The following FGF14 variants were observed in gnomAD, a reference collection of about 807,000 sequenced individuals.
FGF14 encodes the protein fibroblast growth factor 14, also known as fibroblast growth factor homologous factor 4.
Under a neutral mutation model 25.5 loss-of-function variants are expected in FGF14, and 5 were observed. The observed-to-expected ratio is 0.20, with a 90% confidence interval of 0.10 to 0.41. The LOEUF (loss-of-function observed/expected upper bound fraction) is 0.41, where lower values mean the gene tolerates loss of function less well. Among genes scored for constraint, FGF14 ranks in the 10% least tolerant of loss-of-function variants. FGF14 has a pLI of 1.00. For missense variants in FGF14, 222 were observed against 320.1 expected (o/e 0.69, Z 2.34); for synonymous variants, 138 against 118.3 (o/e 1.17, Z -1.08).
At chr13:101,953,414 C>T (rs2036297194) in intron 1 of FGF14, among the ~76,000 whole-genome samples, 1 of 151,890 alleles carries the variant, frequency 6.6e-6, no homozygotes, top group Non-Finnish European at 1.5e-5. Flanking sequence ...CAGAGATGAA[C>T]AAATGTGGCA....
intron 1 of FGF14, among the ~76,000 whole-genome samples, chr13:102,054,919 T>G (rs1489684489): frequency 6.6e-6 from 1 of 152,198 alleles, no homozygotes; most frequent in African/African-American, 2.4e-5. Flanking sequence ...CCGCTTTCTG[T>G]TCCCACAGCC....
At chr13:102,112,968 G>A (rs1289808829) in intron 1 of FGF14, among the ~76,000 whole-genome samples, 1 of 152,066 alleles carries the variant, frequency 6.6e-6, no homozygotes, top group African/African-American at 2.4e-5. Flanking sequence ...TGAAAAAGTA[G>A]GTCATATTTC....
chr13:101,820,791 CACACACACACACACAA>C (rs2042091138), intron 3 of FGF14, among the ~76,000 whole-genome samples: 2 of 35,650 alleles, frequency 5.6e-5, no homozygotes, highest in South Asian at 1.4e-3. Context: ...CACACACACA[CACACACACACACACAA>C]CACACACACA....
At chr13:102,334,724 CT>C (rs1281652065) in intron 1 of FGF14, among the ~76,000 whole-genome samples, 9 of 152,100 alleles carry the variant, frequency 5.9e-5, no homozygotes, top group Non-Finnish European at 1.0e-4. Context: ...AATAATTTGG[CT>C]TTCTAAGATG....
chr13:101,750,700 C>G (rs919362086), intron 3 of FGF14, among the ~76,000 whole-genome samples: 1 of 152,092 alleles, frequency 6.6e-6, no homozygotes, highest in Non-Finnish European at 1.5e-5. Context: ...TTGGTGTTTA[C>G]TCAAATGAGT....
chr13:102,085,890 C>T (rs1164149117), intron 1 of FGF14, among the ~76,000 whole-genome samples: 1 of 152,186 alleles, frequency 6.6e-6, no homozygotes, highest in Non-Finnish European at 1.5e-5. Context: ...AGGAATAAGG[C>T]ATCTTAAGTT....
intron 1 of FGF14, among the ~76,000 whole-genome samples, chr13:102,323,957 ATGTGTGTGTGTGTGTGTGTG>A (rs3066051): frequency 8.5e-4 from 116 of 136,524 alleles, no homozygotes; most frequent in African/African-American, 3.0e-3. Flanking sequence ...AACGTGCAGT[ATGTGTGTGTGTGTGTGTGTG>A]TGTGTGTGTG....
At chr13:101,724,718 G>A (rs536300549) in intron 4 of FGF14, among the ~76,000 whole-genome samples, 13 of 147,596 alleles carry the variant, frequency 8.8e-5, no homozygotes, top group African/African-American at 3.2e-4. Context: ...ATTTATATTC[G>A]GTATGGGTTT....
chr13:102,238,145 A>T (rs2051414942), intron 1 of FGF14, among the ~76,000 whole-genome samples: 1 of 152,238 alleles, frequency 6.6e-6, no homozygotes, highest in South Asian at 2.1e-4. Context: ...AGAAATTTGT[A>T]TTGTAAAGGC....
At chr13:102,074,044 G>A (rs1248410537) in intron 1 of FGF14, among the ~76,000 whole-genome samples, 1 of 152,206 alleles carries the variant, frequency 6.6e-6, no homozygotes, top group Non-Finnish European at 1.5e-5. Flanking sequence ...ATCTTGCTGT[G>A]TCACCCAGGC....
intron 1 of FGF14, among the ~76,000 whole-genome samples, chr13:101,944,756 A>G (rs2035697021): frequency 6.6e-6 from 1 of 152,222 alleles, no homozygotes; most frequent in South Asian, 2.1e-4. Context: ...AACTTTGAGG[A>G]CATTATGCTA....
At chr13:102,368,753 C>T (rs1457418177) in intron 1 of FGF14, among the ~76,000 whole-genome samples, 3 of 152,086 alleles carry the variant, frequency 2.0e-5, no homozygotes, top group Non-Finnish European at 2.9e-5. Flanking sequence ...TGCAATTCCC[C>T]TTCTTTTGTA....
chr13:102,239,935 C>A (rs1025151931), intron 1 of FGF14, among the ~76,000 whole-genome samples: 3 of 152,020 alleles, frequency 2.0e-5, no homozygotes, highest in Non-Finnish European at 4.4e-5. Context: ...ATCAAGAAAT[C>A]TAGAATGTAA....
At chr13:102,020,252 A>C (rs2040564875) in intron 1 of FGF14, among the ~76,000 whole-genome samples, 1 of 151,618 alleles carries the variant, frequency 6.6e-6, no homozygotes, top group Non-Finnish European at 1.5e-5. Flanking sequence ...CTAGGAGGTA[A>C]GAGAGTGAGA....
chr13:102,232,563 T>G (rs1294783777), intron 1 of FGF14, among the ~76,000 whole-genome samples: 2 of 152,178 alleles, frequency 1.3e-5, no homozygotes, highest in Admixed American at 6.5e-5. Flanking sequence ...AAACATAAAA[T>G]TATGAATAAT....
intron 1 of FGF14, among the ~76,000 whole-genome samples, chr13:101,946,821 G>A (rs1288750498): frequency 6.6e-6 from 1 of 152,206 alleles, no homozygotes; most frequent in African/African-American, 2.4e-5. Flanking sequence ...TAAATTCAAT[G>A]GAGGCTTGTT....
intron 1 of FGF14, among the ~76,000 whole-genome samples, chr13:102,157,586 A>G (rs1353367438): frequency 6.6e-6 from 1 of 152,226 alleles, no homozygotes; most frequent in African/African-American, 2.4e-5. Flanking sequence ...ACCATTCAGG[A>G]CATAGGCATG....
At chr13:102,391,811 C>A (rs531341379) in intron 1 of FGF14, among the ~76,000 whole-genome samples, 1 of 152,204 alleles carries the variant, frequency 6.6e-6, no homozygotes, top group Admixed American at 6.5e-5. Flanking sequence ...TGAGTGCTTA[C>A]GTAGAAAACT....
chr13:102,183,970 T>G (rs2048778851), intron 1 of FGF14, among the ~76,000 whole-genome samples: 1 of 152,160 alleles, frequency 6.6e-6, no homozygotes, highest in South Asian at 2.1e-4. Context: ...TGGGTACATT[T>G]TAACCATGAA....
Sources: gnomAD v4.1 joint callset for allele counts (sites outside exome capture counted in the v4.1 genomes callset) on GRCh38, gnomAD v4.1.1 for gene constraint, MANE v1.5 for transcripts, NCBI Gene and HGNC (gene_info 2026-07-23, HGNC 2026-07-21) for gene names.